DHX37: variants seen among roughly 807,000 people sequenced by gnomAD.
DHX37 encodes the protein DEAH-box helicase 37.
Under a neutral mutation model 134.3 loss-of-function variants are expected in DHX37, and 52 were observed. That is an observed-to-expected ratio of 0.39 (90% CI 0.31 to 0.49). The LOEUF (loss-of-function observed/expected upper bound fraction) is 0.49. Ranked by LOEUF, DHX37 falls within the 20% of genes least tolerant of loss-of-function variation. DHX37 has a pLI of 0.93. For synonymous variants in DHX37, 634 were observed against 670.7 expected, an observed-to-expected ratio of 0.95 and a Z score of 0.85; for missense variants, 1,344 against 1,580.8, an observed-to-expected ratio of 0.85 and a Z score of 2.54.
chr12:124,957,790 ATAG>A (rs1954128304), intron 16 of DHX37, among the ~76,000 whole-genome samples: 2 of 152,196 alleles, frequency 1.3e-5, no homozygotes, highest in Non-Finnish European at 2.9e-5. Context: ...CCATCTCAAA[ATAG>A]TAATAATAAC....
chr12:124,966,176 G>C (rs12582899), intron 12 of DHX37, among the ~76,000 whole-genome samples: 47,452 of 152,066 alleles, frequency 0.31, 8,110 homozygotes, highest in East Asian at 0.64. Flanking sequence ...GAAAGCCCCT[G>C]CCAGCCCAGC....
At chr12:124,973,948 AT>A (rs71092253) in intron 6 of DHX37, among the ~76,000 whole-genome samples, 85 of 134,384 alleles carry the variant, frequency 6.3e-4, no homozygotes, top group African/African-American at 1.3e-3. Context: ...CAGTCCCCAA[AT>A]TTTTTTTTTT....
At position 124,980,783 on chromosome 12, in the gene DHX37, C is replaced by A; in HGVS notation, c.445G>T (p.Ala149Ser). The change falls in exon 4 of 27, where the codon GCC becomes TCC. Residue 149 changes from alanine to serine, a missense_variant. Transcript: ENST00000308736. This position sits in a 1 kb window ranked among gnomAD's most constrained non-coding sequence, Gnocchi z 5.3. ...GGCCAGCGGCGACGCTTCCGGTGGG[C>A]ACCGCTGAGGCTACTGATCTTCTCC... ...GQEKISSLSGAHRKRRRWPSA... is the reference protein window; with the variant it reads ...GQEKISSLSGSHRKRRRWPSA... 1.3e-6 allele frequency: 2 copies of A among 1,556,992 alleles called. No individual in the cohort carries two copies. The highest frequency in any genetic ancestry group is 1.7e-6 in the Non-Finnish European group (2 of 1,153,248).
At position 124,947,677 on chromosome 12, in the gene DHX37, G is replaced by C. The variant is rs1293623059; in HGVS notation, c.*125C>G. ...GCTCTCATGGATGAGGGTTCCCAGG[G>C]CTTGACCCACTTCCTGAGAGCAGGC... On this transcript the variant is annotated 3_prime_UTR_variant, in exon 27 of 27. Coordinates refer to ENST00000308736, the MANE Select transcript of DHX37 (RefSeq NM_032656.4). 3 of 1,293,194 alleles carry C rather than the reference G, an allele frequency of 2.3e-6. No homozygotes were observed. The highest frequency in any genetic ancestry group is 3.1e-6 in the Non-Finnish European group (3 of 961,844). The allele number at this position is 1,293,194 out of a possible 1,614,324, so 80.1% of individuals were successfully genotyped here.
intron 8 of DHX37, among the ~76,000 whole-genome samples, chr12:124,969,319 G>A (rs535701787): frequency 2.0e-5 from 3 of 152,154 alleles, no homozygotes; most frequent in Admixed American, 6.5e-5. Flanking sequence ...TGGGGTCTGT[G>A]GGGGGTGGGA....
intron 6 of DHX37, among the ~76,000 whole-genome samples, chr12:124,975,055 C>T (rs766216870): frequency 1.4e-4 from 21 of 152,204 alleles, no homozygotes; most frequent in South Asian, 2.1e-4. Context: ...GAATTACAGG[C>T]GTGAGCCACC....
At chr12:124,952,165 C>A (rs1953987768) in intron 21 of DHX37, among the ~76,000 whole-genome samples, 1 of 152,064 alleles carries the variant, frequency 6.6e-6, no homozygotes, top group Non-Finnish European at 1.5e-5. Context: ...ACAAAAAACC[C>A]CAAAAGAGTT....
At position 124,973,638 on chromosome 12, in the gene DHX37, C is replaced by CTTTTTTTTTTTTTTTTTTTT. The variant is rs71092252; in HGVS notation, c.981-1059_981-1040dup. Among the ~76,000 whole-genome samples the CTTTTTTTTTTTTTTTTTTTT allele has an allele frequency of 3.9e-5, 4 of 102,874 alleles. 2 individuals are homozygous for CTTTTTTTTTTTTTTTTTTTT. The highest frequency in any genetic ancestry group is 7.6e-5 in the African/African-American group (2 of 26,276). The allele number at this position is 102,874 out of a possible 152,430, so 67.5% of individuals were successfully genotyped here. A position where few individuals can be genotyped will look rare whatever the true frequency, so the allele number is the denominator to read the frequency against. ...TTATGTATATGCGCCCCCCCCAACG[C>CTTTTTTTTTTTTTTTTTTTT]TTTTTTTTTTTTTTTTTTTTGAGAT... is the stretch of plus-strand genomic sequence containing the variant. On this transcript the variant is annotated intron_variant, in intron 6 of 26. Transcript: ENST00000308736.
At chr12:124,981,399 T>C (rs12423063) in intron 3 of DHX37, among the ~76,000 whole-genome samples, 59,559 of 151,606 alleles carry the variant, frequency 0.39, 12,056 homozygotes, top group African/African-American at 0.5. Flanking sequence ...GGTCAGCAGC[T>C]TGGTGGGGAC....
intron 2 of DHX37, among the ~76,000 whole-genome samples, chr12:124,983,176 T>TCGGC (rs1954789173): frequency 6.6e-6 from 1 of 152,098 alleles, no homozygotes; most frequent in Admixed American, 6.6e-5. Flanking sequence ...TGGTGCGATC[T>TCGGC]TGGCTCACTG....
rs764275106 is a variant in DHX37 at position 124,947,854 on chromosome 12, T to C, written c.3422A>G (p.Gln1141Arg). 5 of 1,608,666 alleles carry C rather than the reference T, an allele frequency of 3.1e-6. No individual in the cohort carries two copies. The highest frequency in any genetic ancestry group is 3.4e-5 in the Admixed American group (2 of 59,578). The part of the protein sequence containing the change: ...LLAEYCEWLP[Q>R]AMHPDIEKAW... ...TTTCTCGATATCGGGGTGCATGGCC[T>C]GTGGAAGCCACTCACAGTACTCAGC... The change falls in exon 27 of 27, where the codon CAG becomes CGG. Residue 1141 changes from glutamine (Q) to arginine (R), a missense_variant. Gln to Arg is a conservative substitution (Grantham distance 43). Around this residue, in one of 7 missense-constraint regions of DHX37, gnomAD observed 558 missense variants for 650.0 expected, o/e 0.86. Transcript: ENST00000308736.
intron 16 of DHX37, among the ~76,000 whole-genome samples, chr12:124,958,842 T>C (rs1450561067): frequency 6.6e-6 from 1 of 151,578 alleles, no homozygotes; most frequent in East Asian, 1.9e-4. Context: ...GCCAGGCTGG[T>C]CTCGAGCTCC....
intron 16 of DHX37, among the ~76,000 whole-genome samples, chr12:124,959,070 T>G (rs1364920818): frequency 7.9e-6 from 1 of 126,866 alleles, no homozygotes; most frequent in African/African-American, 3.8e-5. Flanking sequence ...TCACCACACC[T>G]GGCTTTTTTT....
intron 11 of DHX37, 54 bp downstream of exon 11, chr12:124,967,069 C>G (rs539507534): frequency 6.3e-7 from 1 of 1,596,262 alleles, no homozygotes; most frequent in Non-Finnish European, 8.6e-7. Context: ...CCAGGGAGCG[C>G]GAGGCCAAGC....
chr12:124,969,930 A>C (rs1452006445), intron 8 of DHX37, among the ~76,000 whole-genome samples: 3 of 144,946 alleles, frequency 2.1e-5, no homozygotes, highest in Admixed American at 6.9e-5. Context: ...AAAAAAAAAA[A>C]CAAAAACCAC....
In DHX37 at chr12:124,949,962, C is replaced by T. The variant is rs777165783; in HGVS notation, c.3290+24G>A. ...GGCCTCGGACCCCTCCTGCCCACTG[C>T]GAGGCTCCCACCGAAGGCAGTACCT... On this transcript the variant is annotated intron_variant, in intron 25 of 26. Transcript: ENST00000308736. This position sits in a 1 kb window ranked among gnomAD's most constrained non-coding sequence, Gnocchi z 4.0. 17 of 1,592,862 alleles carry T rather than the reference C, an allele frequency of 1.1e-5. No individual in the cohort carries two copies. The highest frequency in any genetic ancestry group is 5.2e-5 in the Admixed American group (3 of 58,184).
intron 23 of DHX37, 50 bp from the exon 24 acceptor site, chr12:124,950,293 C>A (rs374636660): frequency 6.2e-7 from 1 of 1,609,166 alleles, no homozygotes; most frequent in East Asian, 2.2e-5. Flanking sequence ...GCTGCCCTCC[C>A]GAGTCCCATC....
At position 124,956,825 on chromosome 12, in the gene DHX37, C is replaced by A. The variant is rs908835491; in HGVS notation, c.2319G>T (p.Arg773=). The A allele has an allele frequency of 2.5e-6, 4 of 1,610,928 alleles. No homozygotes were observed. The African/African-American group carries it at 4.0e-5, about 16-fold the overall frequency. The stretch of plus-strand genomic sequence containing the variant: ...GTGCCACGGGGAATGTGGCCATTGT[C>A]CGGCCCAGCGCAGTGATGGGGCAGC... The part of the protein sequence containing the change: ...RLSCPITALG[R]TMATFPVAPR... The change falls in exon 18 of 27, where the codon CGG becomes CGT. Residue 773 remains arginine (R), a synonymous_variant. Coordinates refer to ENST00000308736, the MANE Select transcript of DHX37 (RefSeq NM_032656.4).
chr12:124,985,997 T>C, intron 2 of DHX37, 99 bp downstream of exon 2: 1 of 1,467,030 alleles, frequency 6.8e-7, no homozygotes, highest in Non-Finnish European at 9.2e-7. Context: ...CAGAAAGTTC[T>C]ATTAGTTGCA....
Sources: gnomAD v4.1 joint callset for allele counts (sites outside exome capture counted in the v4.1 genomes callset) on GRCh38, gnomAD v4.1.1 for gene constraint, gnomAD v4.1.1 regional missense constraint, Gnocchi (gnomAD v3.1) non-coding constraint, MANE v1.5 for transcripts, NCBI Gene and HGNC (gene_info 2026-07-23, HGNC 2026-07-21) for gene names.